COL24A1: variants seen among roughly 807,000 people sequenced by gnomAD.
COL24A1 encodes collagen alpha-1(XXIV) chain.
COL24A1 carries 224 observed loss-of-function variants against 253.9 expected under a neutral mutation model. The observed-to-expected ratio is 0.88, with a 90% CI of 0.79 to 0.99. The LOEUF is 0.99. COL24A1 is among the 50% of genes least tolerant of loss of function. The probability of loss-of-function intolerance (pLI) is 0.00; values close to 1 mark genes in which losing one functional copy is unlikely to be tolerated. For missense variants in COL24A1, 2,131 were observed against 2,068.5 expected, an observed-to-expected ratio of 1.03 and a Z score of -0.59; for synonymous variants, 685 against 673.7, an observed-to-expected ratio of 1.02 and a Z score of -0.26.
intron 37 of COL24A1, among the ~76,000 whole-genome samples, chr1:85,858,078 T>C (rs1482414699): frequency 6.6e-6 from 1 of 152,206 alleles, no homozygotes; most frequent in African/African-American, 2.4e-5. Context: ...ATCTGATCAT[T>C]ATTCACTATC....
intron 24 of COL24A1, among the ~76,000 whole-genome samples, chr1:85,945,100 C>G (rs1689207892): frequency 7.3e-6 from 1 of 137,660 alleles, no homozygotes. Flanking sequence ...TCACTGCAAC[C>G]TCTGCCTCCC....
chr1:85,880,733 T>A (rs1681739134), intron 32 of COL24A1, among the ~76,000 whole-genome samples: 1 of 151,794 alleles, frequency 6.6e-6, no homozygotes, highest in Non-Finnish European at 1.5e-5. Context: ...AGTTTTTTTT[T>A]TATCTTGAAT....
Position 85,955,885 on chromosome 1 carries a change from A to T in COL24A1, c.2562+5364T>A, listed in dbSNP as rs191247835. The stretch of plus-strand genomic sequence containing the variant: ...CAAATACATTAAGTTATATTTTCAT[A>T]ATTCTCAGAGGCAAATAACATTTGA... On this transcript the variant is annotated intron_variant, in intron 24 of 59. Coordinates refer to ENST00000370571, the MANE Select transcript of COL24A1 (RefSeq NM_152890.7). Among the ~76,000 whole-genome samples the T allele has an allele frequency of 2.0e-3, 311 of 152,330 alleles. 10 individuals carry two copies. In the South Asian group the frequency reaches 0.052, roughly 26 times the overall value.
intron 2 of COL24A1, among the ~76,000 whole-genome samples, chr1:86,134,029 C>G (rs1467915122): frequency 6.6e-6 from 1 of 152,000 alleles, no homozygotes; most frequent in Non-Finnish European, 1.5e-5. Context: ...ATTTCAGAGC[C>G]TGTTATTGGT....
At chr1:86,031,734 TG>T (rs145877277) in intron 14 of COL24A1, 143 bp downstream of exon 14, 65,293 of 551,598 alleles carry the variant, frequency 0.12, 4,521 homozygotes, top group Non-Finnish European at 0.14. Context: ...CATATCTGGT[TG>T]AAAAAAATAC....
intron 39 of COL24A1, among the ~76,000 whole-genome samples, chr1:85,843,587 T>C (rs1248643650): frequency 6.6e-6 from 1 of 151,880 alleles, no homozygotes; most frequent in Admixed American, 6.6e-5. Flanking sequence ...AGACAGAAAA[T>C]TAGGGCTGAA....
At chr1:86,085,835 T>C (rs1220734497) in intron 7 of COL24A1, among the ~76,000 whole-genome samples, 6 of 152,250 alleles carry the variant, frequency 3.9e-5, no homozygotes, top group Admixed American at 3.3e-4. Flanking sequence ...AAAATGTTAA[T>C]ACTGGTTTCA....
chr1:85,734,759 T>C lies in COL24A1; in HGVS notation c.4988A>G (p.Asp1663Gly). The C allele has an allele frequency of 6.2e-7, 1 of 1,613,982 alleles. No homozygotes were observed. The change falls in exon 59 of 60, where the codon GAT becomes GGT. Residue 1663 changes from aspartate to glycine, a missense_variant. Coordinates refer to ENST00000370571, the MANE Select transcript of COL24A1 (RefSeq NM_152890.7). ...GTGCCATTTCCTTACCTTGCAGTCA[T>C]CTGAAAGCACTTTAGGTTCAAGTAG... Reference protein sequence around the residue: ...NTLLEPKVLSDDCKIQDGSWH... With the variant: ...NTLLEPKVLSGDCKIQDGSWH...
chr1:85,740,619 G>T (rs1052321038), intron 57 of COL24A1, among the ~76,000 whole-genome samples: 1 of 151,734 alleles, frequency 6.6e-6, no homozygotes, highest in African/African-American at 2.4e-5. Context: ...CACCATGGCT[G>T]GCCAATTTTT....
At chr1:85,910,103 T>A in intron 25 of COL24A1, 100 bp from the exon 26 acceptor site, 1 of 772,500 alleles carries the variant, frequency 1.3e-6, no homozygotes. Flanking sequence ...GAATCATGTC[T>A]TACATGCATA....
intron 39 of COL24A1, among the ~76,000 whole-genome samples, chr1:85,843,081 A>G (rs903701582): frequency 3.3e-5 from 5 of 152,046 alleles, no homozygotes; most frequent in Non-Finnish European, 7.4e-5. Flanking sequence ...TTCCATATTG[A>G]CTCTCCTATT....
At chr1:86,025,694 C>A (rs757795646) in intron 14 of COL24A1, among the ~76,000 whole-genome samples, 2 of 152,164 alleles carry the variant, frequency 1.3e-5, no homozygotes, top group African/African-American at 2.4e-5. Flanking sequence ...AAAGGGTCTT[C>A]ATAATCCTTC....
At chr1:86,099,585 T>G (rs1704270541) in intron 5 of COL24A1, among the ~76,000 whole-genome samples, 2 of 152,228 alleles carry the variant, frequency 1.3e-5, no homozygotes, top group South Asian at 4.1e-4. Flanking sequence ...GCTGTTCAAC[T>G]GCTCAAGCCT....
Position 85,936,947 on chromosome 1 carries a change from T to TTCA in COL24A1, c.2562+24301_2562+24302insTGA, listed in dbSNP as rs1688296078. 1.4e-5 allele frequency among the ~76,000 whole-genome samples: 2 copies of TTCA among 146,878 alleles called. 1 individual carries two copies. Among genetic ancestry groups the TTCA allele is most frequent in the South Asian group, 4.9e-4 (2 of 4,046 alleles). Reference sequence around the variant, plus strand: ...ACATCTGAATCTCCTATAAGCTGAGTTCCATCAGATTCATCAAGTCATAAG... The same window carrying TTCA: ...ACATCTGAATCTCCTATAAGCTGAGTTCATCCATCAGATTCATCAAGTCATAAG... On this transcript the variant is annotated intron_variant, in intron 24 of 59. Transcript: ENST00000370571.
intron 19 of COL24A1, among the ~76,000 whole-genome samples, chr1:86,015,957 C>T (rs1696952844): frequency 6.7e-6 from 1 of 150,356 alleles, no homozygotes; most frequent in African/African-American, 2.4e-5. Flanking sequence ...CCACCCCAGG[C>T]TCAAGTGATC....
At chr1:86,150,657 TG>T (rs1382966430) in intron 1 of COL24A1, among the ~76,000 whole-genome samples, 2 of 152,170 alleles carry the variant, frequency 1.3e-5, no homozygotes, top group African/African-American at 2.4e-5. Context: ...ATAGTCAGTT[TG>T]ATAAAGAGCC....
chr1:85,998,331 T>C (rs1695059675), intron 19 of COL24A1, among the ~76,000 whole-genome samples: 1 of 152,186 alleles, frequency 6.6e-6, no homozygotes, highest in Non-Finnish European at 1.5e-5. Flanking sequence ...CGTAACTTGT[T>C]ACCCACTCAA....
chr1:85,746,853 A>C (rs939486424), intron 55 of COL24A1, among the ~76,000 whole-genome samples: 2 of 152,124 alleles, frequency 1.3e-5, no homozygotes, highest in Admixed American at 6.5e-5. Context: ...TGCTTGCGTG[A>C]ATGAGCAGAT....
intron 24 of COL24A1, among the ~76,000 whole-genome samples, chr1:85,950,442 T>A (rs1689778199): frequency 6.6e-6 from 1 of 151,616 alleles, no homozygotes; most frequent in Admixed American, 6.6e-5. Context: ...AACTGGAGAG[T>A]GTGGTACCAA....
Sources: gnomAD v4.1 joint callset for allele counts (sites outside exome capture counted in the v4.1 genomes callset) on GRCh38, gnomAD v4.1.1 for gene constraint, MANE v1.5 for transcripts, NCBI Gene and HGNC (gene_info 2026-07-23, HGNC 2026-07-21) for gene names.